Variants in LINGO2 observed in about 807,000 individuals in gnomAD.
The protein encoded by LINGO2 is leucine rich repeat and Ig domain containing 2.
A neutral mutation model predicts 30.6 loss-of-function variants in LINGO2; 14 were observed. The ratio of observed to expected loss-of-function variants is 0.46; its 90% CI spans 0.30 to 0.72. The LOEUF (loss-of-function observed/expected upper bound fraction) is 0.72. Among genes scored for constraint, LINGO2 ranks in the 30% least tolerant of loss-of-function variants. The probability of loss-of-function intolerance (pLI) is 0.07; values close to 1 mark genes in which losing one functional copy is unlikely to be tolerated. For missense variants in LINGO2, 729 were observed against 751.7 expected (o/e 0.97, Z 0.35); for synonymous variants, 317 against 288.5 (o/e 1.10, Z -1.00).
In LINGO2 at chr9:28,177,182, G is replaced by A. The variant is rs554170931; in HGVS notation, c.-87+118026C>T. 2.6e-5 allele frequency among the ~76,000 whole-genome samples: 4 copies of A among 152,206 alleles called. No homozygotes were observed. The East Asian group carries it at 5.8e-4, about 22-fold the overall frequency. The stretch of plus-strand genomic sequence containing the variant: ...TCTGATAGGATTTTCCTACTATGCT[G>A]TACATTTGGATAAAATCATAGATGG... On this transcript the variant is annotated intron_variant, in intron 4 of 5. Transcript: ENST00000379992.
chr9:28,881,151 A>G, the LINGO2 span, among the ~76,000 whole-genome samples: 1 of 151,944 alleles, frequency 6.6e-6, no homozygotes, highest in Admixed American at 6.6e-5. Context: ...TATTTCTTTT[A>G]TCAGTCTCTC....
the LINGO2 span, among the ~76,000 whole-genome samples, chr9:28,866,966 C>T: frequency 6.6e-6 from 1 of 152,104 alleles, no homozygotes; most frequent in Non-Finnish European, 1.5e-5. Flanking sequence ...TTGTATCTTA[C>T]ATTTTTCAAC....
At chr9:28,102,417 T>G (rs542266827) in intron 4 of LINGO2, among the ~76,000 whole-genome samples, 2 of 152,236 alleles carry the variant, frequency 1.3e-5, no homozygotes, top group Admixed American at 1.3e-4. Flanking sequence ...TGAATTCATT[T>G]AAGAGATCTT....
the LINGO2 span, among the ~76,000 whole-genome samples, chr9:28,758,445 A>C: frequency 1.3e-5 from 2 of 152,108 alleles, no homozygotes; most frequent in Non-Finnish European, 2.9e-5. Flanking sequence ...TTGTGAAAAA[A>C]AGTTCCTCTT....
chr9:29,061,610 G>A, the LINGO2 span, among the ~76,000 whole-genome samples: 840 of 152,056 alleles, frequency 5.5e-3, 8 homozygotes, highest in African/African-American at 0.019. Flanking sequence ...AAAATGATGC[G>A]CGAGAACTGG....
At chr9:28,041,180 A>G (rs1025521698) in intron 4 of LINGO2, among the ~76,000 whole-genome samples, 5 of 152,196 alleles carry the variant, frequency 3.3e-5, no homozygotes, top group African/African-American at 1.2e-4. Flanking sequence ...TCTAGCATCT[A>G]TTCTGTCTAT....
At chr9:28,991,864 A>G in the LINGO2 span, among the ~76,000 whole-genome samples, 3 of 150,560 alleles carry the variant, frequency 2.0e-5, no homozygotes, top group African/African-American at 7.3e-5. Flanking sequence ...TCCTGAAGGA[A>G]GCACTAAACA....
At chr9:28,443,394 C>T (rs139704259) in intron 2 of LINGO2, among the ~76,000 whole-genome samples, 22 of 152,238 alleles carry the variant, frequency 1.4e-4, no homozygotes, top group South Asian at 4.1e-4. Flanking sequence ...GGGGAACAGG[C>T]GGGAGCCCTG....
intron 1 of LINGO2, among the ~76,000 whole-genome samples, chr9:28,569,188 G>A (rs1020686188): frequency 2.6e-5 from 4 of 151,870 alleles, no homozygotes; most frequent in African/African-American, 9.7e-5. Flanking sequence ...CACTGTTGGT[G>A]GGAAAGTAAA....
chr9:28,086,898 CT>C (rs1452545204), intron 4 of LINGO2, among the ~76,000 whole-genome samples: 2 of 152,078 alleles, frequency 1.3e-5, no homozygotes, highest in East Asian at 3.9e-4. Flanking sequence ...CCAATTCTTT[CT>C]TTCCCTGTAT....
At chr9:29,180,086 G>A in the LINGO2 span, among the ~76,000 whole-genome samples, 2 of 152,194 alleles carry the variant, frequency 1.3e-5, no homozygotes, top group Non-Finnish European at 2.9e-5. Flanking sequence ...AGAACAGAAG[G>A]ATGGCATATA....
the LINGO2 span, among the ~76,000 whole-genome samples, chr9:29,001,711 C>T: frequency 2.9e-4 from 44 of 152,036 alleles, no homozygotes; most frequent in African/African-American, 8.9e-4. Context: ...ATGAGTCTCA[C>T]CTAAGGATAA....
At chr9:29,067,750 T>C in the LINGO2 span, among the ~76,000 whole-genome samples, 6 of 122,730 alleles carry the variant, frequency 4.9e-5, no homozygotes, top group South Asian at 2.6e-4. Flanking sequence ...AAGGAGTATT[T>C]AAATGAAAAA....
At chr9:29,069,353 A>G in the LINGO2 span, among the ~76,000 whole-genome samples, 29,859 of 151,836 alleles carry the variant, frequency 0.2, 3,082 homozygotes, top group African/African-American at 0.24. Flanking sequence ...ATGGATATCA[A>G]TTAGTATTAT....
At chr9:28,172,946 G>A (rs1017984238) in intron 4 of LINGO2, among the ~76,000 whole-genome samples, 1 of 152,084 alleles carries the variant, frequency 6.6e-6, no homozygotes, top group Admixed American at 6.6e-5. Flanking sequence ...CAACCTACTG[G>A]AGTCCAGTAT....
At chr9:28,785,409 C>G in the LINGO2 span, among the ~76,000 whole-genome samples, 3 of 152,142 alleles carry the variant, frequency 2.0e-5, no homozygotes, top group South Asian at 2.1e-4. Flanking sequence ...TTCAGAGTAG[C>G]CACCCATGAT....
chr9:27,969,304 A>T (rs921714899), intron 5 of LINGO2, among the ~76,000 whole-genome samples: 1 of 152,266 alleles, frequency 6.6e-6, no homozygotes, highest in East Asian at 1.9e-4. Flanking sequence ...TTGAGTATGT[A>T]CAACTAGGTG....
intron 4 of LINGO2, among the ~76,000 whole-genome samples, chr9:28,238,184 T>C (rs1202847140): frequency 1.3e-5 from 2 of 151,594 alleles, no homozygotes; most frequent in Non-Finnish European, 2.9e-5. Context: ...CAATAGGGAA[T>C]AGATGGAGAT....
chr9:29,189,762 C>T, the LINGO2 span, among the ~76,000 whole-genome samples: 4 of 152,174 alleles, frequency 2.6e-5, no homozygotes, highest in African/African-American at 4.8e-5. Context: ...GCAATCCCGG[C>T]ACCTCGGGAG....
Sources: allele counts gnomAD v4.1 joint callset (sites outside exome capture counted in the v4.1 genomes callset), GRCh38; gene constraint gnomAD v4.1.1; transcripts MANE v1.5; gene names NCBI Gene and HGNC (gene_info 2026-07-23, HGNC 2026-07-21).